Variants in SIAH2 observed in about 807,000 individuals in gnomAD.
SIAH2 encodes E3 ubiquitin-protein ligase SIAH2.
A neutral mutation model predicts 20.4 loss-of-function variants in SIAH2; 4 were observed. The observed-to-expected ratio is 0.20, with a 90% CI of 0.10 to 0.45. The LOEUF is 0.45. SIAH2 is among the 20% of genes least tolerant of loss of function. The pLI is 0.99. For missense variants in SIAH2, 259 were observed against 440.3 expected, an observed-to-expected ratio of 0.59 and a Z score of 3.69; for synonymous variants, 171 against 192.5, an observed-to-expected ratio of 0.89 and a Z score of 0.93.
chr3:150,758,569 AT>A (rs574596010), intron 1 of SIAH2, among the ~76,000 whole-genome samples: 9,640 of 129,718 alleles, frequency 0.074, 792 homozygotes, highest in African/African-American at 0.22. Context: ...TAGACATTCC[AT>A]TTTTTTTTTT....
At chr3:150,759,540 T>C (rs1353540175) in intron 1 of SIAH2, among the ~76,000 whole-genome samples, 1 of 152,162 alleles carries the variant, frequency 6.6e-6, no homozygotes, top group East Asian at 1.9e-4. Flanking sequence ...ATCTTGAGTA[T>C]ACACTCAGAT....
At chr3:150,743,825 G>A (rs1714153432) in intron 1 of SIAH2, among the ~76,000 whole-genome samples, 1 of 152,064 alleles carries the variant, frequency 6.6e-6, no homozygotes, top group Non-Finnish European at 1.5e-5. Flanking sequence ...AAGCTGTTCT[G>A]TAAAGAATTA....
intron 1 of SIAH2, among the ~76,000 whole-genome samples, chr3:150,760,985 G>C (rs545236425): frequency 6.6e-6 from 1 of 152,346 alleles, no homozygotes; most frequent in East Asian, 1.9e-4. Context: ...AAACACCCTA[G>C]TCCAAACACC....
intron 1 of SIAH2, among the ~76,000 whole-genome samples, chr3:150,760,320 T>C (rs1714576894): frequency 6.6e-6 from 1 of 152,258 alleles, no homozygotes; most frequent in Non-Finnish European, 1.5e-5. Context: ...GTTCTTGGTC[T>C]GCAGGGGAAT....
rs1714128451 is a variant in SIAH2, at chr3:150,742,973, C to T, written c.418-275G>A. ...TCAAAGGGATCAGAACTAAAGTTCTCTTACTGTGCACATCTCAAAATTGTT... is the reference window on the plus strand; with the variant it reads ...TCAAAGGGATCAGAACTAAAGTTCTTTTACTGTGCACATCTCAAAATTGTT... On this transcript the variant is annotated intron_variant, in intron 1 of 1. Coordinates refer to ENST00000312960, the MANE Select transcript of SIAH2 (RefSeq NM_005067.7). The surrounding 1 kb of genome is among the most constrained non-coding windows in gnomAD (Gnocchi z 4.8). Among the ~76,000 whole-genome samples, 1 of 152,180 alleles carries T rather than the reference C, an allele frequency of 6.6e-6. No homozygotes were observed. The highest frequency in any genetic ancestry group is 2.1e-4 in the South Asian group (1 of 4,836).
intron 1 of SIAH2, among the ~76,000 whole-genome samples, chr3:150,758,163 T>A (rs1714525155): frequency 6.6e-6 from 1 of 152,224 alleles, no homozygotes; most frequent in African/African-American, 2.4e-5. Context: ...TGTTATTTTT[T>A]ATTTTTTTAA....
At chr3:150,752,116 G>A (rs1200277464) in intron 1 of SIAH2, among the ~76,000 whole-genome samples, 3 of 152,184 alleles carry the variant, frequency 2.0e-5, no homozygotes, top group African/African-American at 7.2e-5. Flanking sequence ...CTTAAAAGCT[G>A]AGTTAAAGGC....
chr3:150,745,581 C>T (rs537347631), intron 1 of SIAH2, among the ~76,000 whole-genome samples: 2 of 152,016 alleles, frequency 1.3e-5, no homozygotes, highest in East Asian at 1.9e-4. Flanking sequence ...CTGCAAGCTC[C>T]GCCTCCCGGG....
rs141195813 is a variant in SIAH2 at position 150,742,270 on chromosome 3, C to T, written c.846G>A (p.Ser282=). ...RRLTWEATPR[S]IHDGVAAAIM... is the part of the protein sequence containing the mutation. The stretch of plus-strand genomic sequence containing the variant: ...TGGCCGCAGCCACACCGTCATGAAT[C>T]GAACGGGGCGTGGCCTCCCAGGTCA... Residue 282 remains serine (S), a synonymous_variant, in exon 2 of 2, where the codon TCG becomes TCA. Transcript: ENST00000312960. This position sits in a 1 kb window ranked among gnomAD's most constrained non-coding sequence, Gnocchi z 4.8. 1.5e-5 allele frequency: 24 copies of T among 1,614,048 alleles called. No individual in the cohort carries two copies. The highest frequency in any genetic ancestry group is 5.5e-5 in the South Asian group (5 of 91,082).
Position 150,762,593 on chromosome 3 carries a change from T to C in SIAH2, c.257A>G (p.Tyr86Cys). Residue 86 changes from tyrosine (Y) to cysteine (C), a missense_variant, in exon 1 of 2, where the codon TAT becomes TGT. By Grantham distance (194) the Tyr-to-Cys change is radical. Around this residue, in one of 2 missense-constraint regions of SIAH2, gnomAD observed 160 missense variants for 327.6 expected, o/e 0.49. Coordinates refer to ENST00000312960, the MANE Select transcript of SIAH2 (RefSeq NM_005067.7). The surrounding 1 kb of genome is among the most constrained non-coding windows in gnomAD (Gnocchi z 6.6). Reference sequence around the variant, plus strand: ...GCACTGCAGAATAGGAGGCAGGACATAGTCAAAGCAGACCGGACACTCGAA... The same window carrying C: ...GCACTGCAGAATAGGAGGCAGGACACAGTCAAAGCAGACCGGACACTCGAA... ...SLFECPVCFD[Y>C]VLPPILQCQA... 3.7e-6 allele frequency: 6 copies of C among 1,612,724 alleles called. No individual in the cohort carries two copies. Among genetic ancestry groups the C allele is most frequent in the Non-Finnish European group, 5.1e-6 (6 of 1,179,758 alleles).
In SIAH2 at chr3:150,753,304, C is replaced by T. The variant is rs150587317; in HGVS notation, c.417+9129G>A. ...CCTGGAACTGCAGGAGATTCCAAGGCAAGAGTGAGTATGATGTAAAGTTGG... is the reference window on the plus strand; with the variant it reads ...CCTGGAACTGCAGGAGATTCCAAGGTAAGAGTGAGTATGATGTAAAGTTGG... On this transcript the variant is annotated intron_variant, in intron 1 of 1. Coordinates refer to ENST00000312960, the MANE Select transcript of SIAH2 (RefSeq NM_005067.7). Among the ~76,000 whole-genome samples the T allele has an allele frequency of 1.1e-4, 17 of 152,258 alleles. 1 individual carries two copies. The East Asian group carries it at 3.3e-3, about 29-fold the overall frequency.
chr3:150,762,817 A>T lies in SIAH2; in HGVS notation c.33T>A (p.Ala11=). The change falls in exon 1 of 2, where the codon GCT becomes GCA. Residue 11 remains alanine, a synonymous_variant. Coordinates refer to ENST00000312960, the MANE Select transcript of SIAH2 (RefSeq NM_005067.7). This position sits in a 1 kb window ranked among gnomAD's most constrained non-coding sequence, Gnocchi z 6.6. ...GCGGCTGCTTGCTGCAGGGTTTATT[A>T]GCGCTGGGGCCGGTGGAGGACGGGC... MSRPSSTGPS[A]NKPCSKQPPP... is the part of the protein sequence containing the mutation. The T allele has an allele frequency of 8.2e-7, 1 of 1,221,366 alleles. No homozygotes were observed. Among genetic ancestry groups the T allele is most frequent in the Non-Finnish European group, 1.0e-6 (1 of 967,356 alleles). 75.7% of individuals were successfully genotyped at this position (1,221,366 alleles called of 1,614,324 possible). A position where few individuals can be genotyped will look rare whatever the true frequency, so the allele number is the denominator to read the frequency against.
chr3:150,760,235 G>C (rs1714574523), intron 1 of SIAH2, among the ~76,000 whole-genome samples: 1 of 152,102 alleles, frequency 6.6e-6, no homozygotes, highest in South Asian at 2.1e-4. Context: ...AAAGGTGAGG[G>C]ACACACACCC....
At chr3:150,749,074 A>G (rs1714292025) in intron 1 of SIAH2, among the ~76,000 whole-genome samples, 1 of 152,242 alleles carries the variant, frequency 6.6e-6, no homozygotes, top group Admixed American at 6.5e-5. Context: ...AAAAAAAAGT[A>G]CGAGCAAAGA....
At chr3:150,744,986 A>G (rs1036432187) in intron 1 of SIAH2, among the ~76,000 whole-genome samples, 1 of 152,154 alleles carries the variant, frequency 6.6e-6, no homozygotes, top group Non-Finnish European at 1.5e-5. Context: ...AACCTCCCCA[A>G]ACTGCACAAA....
chr3:150,757,785 C>T (rs1035005429), intron 1 of SIAH2, among the ~76,000 whole-genome samples: 1 of 151,896 alleles, frequency 6.6e-6, no homozygotes, highest in Admixed American at 6.6e-5. Context: ...GTATCAAGAC[C>T]AGCCTGGGCA....
chr3:150,751,948 G>A (rs73010930), intron 1 of SIAH2, among the ~76,000 whole-genome samples: 27,738 of 151,996 alleles, frequency 0.18, 5,497 homozygotes, highest in African/African-American at 0.48. Context: ...GGCTGGCAGG[G>A]GTTTATTTTT....
chr3:150,755,578 C>T (rs997919535), intron 1 of SIAH2, among the ~76,000 whole-genome samples: 4 of 151,910 alleles, frequency 2.6e-5, no homozygotes, highest in South Asian at 2.1e-4. Flanking sequence ...TGCAATGGTG[C>T]GATCTCAGCT....
intron 1 of SIAH2, among the ~76,000 whole-genome samples, chr3:150,754,655 T>G (rs952451320): frequency 3.0e-4 from 46 of 152,220 alleles, no homozygotes; most frequent in African/African-American, 1.1e-3. Flanking sequence ...GTGGTTATCT[T>G]TAGGTGAGGG....
Sources: gnomAD v4.1 joint callset for allele counts (sites outside exome capture counted in the v4.1 genomes callset) on GRCh38, gnomAD v4.1.1 for gene constraint, gnomAD v4.1.1 regional missense constraint, Gnocchi (gnomAD v3.1) non-coding constraint, MANE v1.5 for transcripts, NCBI Gene and HGNC (gene_info 2026-07-23, HGNC 2026-07-21) for gene names.